Variants in DNAH5 observed in about 807,000 individuals in gnomAD.
DNAH5 encodes the protein axonemal beta dynein heavy chain 5.
In DNAH5, 372 loss-of-function variants were observed where a neutral mutation model predicts 518.2. The ratio of observed to expected loss-of-function variants is 0.72; its 90% CI spans 0.66 to 0.78. DNAH5 has a LOEUF of 0.78. Ranked by LOEUF, DNAH5 falls within the 30% of genes least tolerant of loss-of-function variation. The probability of loss-of-function intolerance (pLI) is 0.00; values close to 1 mark genes in which losing one functional copy is unlikely to be tolerated. For missense variants in DNAH5, 5,523 were observed against 5,687.0 expected (o/e 0.97, Z 0.93); for synonymous variants, 2,039 against 2,025.9 (o/e 1.01, Z -0.17).
rs1750537080 is a variant in DNAH5, at chr5:13,753,437, T to G, written c.10668A>C (p.Pro3556=). The change falls in exon 63 of 79, where the codon CCA becomes CCC. Residue 3556 remains proline (P), a synonymous_variant. Transcript: ENST00000265104. The part of the protein sequence containing the change: ...WRKEMKARKI[P]FGKNLNLSEM... ...CACTGAGATTTAGGTTCTTTCCAAA[T>G]GGAATTTTCCGGGCTTTCATTTCCT... 1.9e-6 allele frequency: 3 copies of G among 1,613,976 alleles called. No individual in the cohort carries two copies. Among genetic ancestry groups the G allele is most frequent in the South Asian group, 2.2e-5 (2 of 91,082 alleles).
rs545678182 is a variant in DNAH5, at chr5:13,924,328, G to A, written c.278-888C>T. Among the ~76,000 whole-genome samples the A allele has an allele frequency of 7.2e-5, 11 of 152,224 alleles. No homozygotes were observed. The South Asian group carries it at 2.3e-3, about 32-fold the overall frequency. ...CTGCACTCCCAGCCACGTGACCTTG[G>A]CAAGTTACTTTATCTTTCTGTGCCT... On this transcript the variant is annotated intron_variant, in intron 3 of 78. Coordinates refer to ENST00000265104, the MANE Select transcript of DNAH5 (RefSeq NM_001369.3).
rs373518709 is a variant in DNAH5, at chr5:13,786,355, T to C, written c.8648-4A>G. On this transcript the variant is annotated splice_region_variant and splice_polypyrimidine_tract_variant and intron_variant, in intron 51 of 78. Transcript: ENST00000265104. ...TCAGCCTCTTCAGATGTTTCACCTT[T>C]GGTGGGAAATAAGAATCAGTTAAGT... 38 of 1,613,780 alleles carry C rather than the reference T, an allele frequency of 2.4e-5. No homozygotes were observed. The highest frequency in any genetic ancestry group is 2.6e-5 in the Non-Finnish European group (31 of 1,179,966).
chr5:13,943,639 T>A (rs1779663502), intron 1 of DNAH5, among the ~76,000 whole-genome samples: 1 of 152,160 alleles, frequency 6.6e-6, no homozygotes, highest in Admixed American at 6.5e-5. Flanking sequence ...TGGCAGATGG[T>A]GGCATACTTA....
chr5:13,712,692 T>C (rs1743652499), intron 75 of DNAH5, among the ~76,000 whole-genome samples: 1 of 152,010 alleles, frequency 6.6e-6, no homozygotes, highest in South Asian at 2.1e-4. Flanking sequence ...AAAGAAGATA[T>C]ACAAGTAGCC....
intron 47 of DNAH5, among the ~76,000 whole-genome samples, chr5:13,805,938 A>G (rs1348042251): frequency 6.6e-6 from 1 of 152,088 alleles, no homozygotes; most frequent in African/African-American, 2.4e-5. Context: ...TAACTTCTGA[A>G]GTCTGCATTA....
At chr5:13,848,554 C>A (rs370298899) in intron 31 of DNAH5, among the ~76,000 whole-genome samples, 109 of 152,212 alleles carry the variant, frequency 7.2e-4, no homozygotes, top group African/African-American at 2.6e-3. Flanking sequence ...TACAACTCAC[C>A]ATAACGTAGA....
chr5:13,802,313 G>A (rs147026166), intron 47 of DNAH5, among the ~76,000 whole-genome samples: 16 of 152,300 alleles, frequency 1.1e-4, no homozygotes, highest in African/African-American at 3.8e-4. Context: ...AAACCAGGTA[G>A]GCTGAGGAAT....
chr5:14,003,954 C>A (rs1311721700), intron 1 of DNAH5, among the ~76,000 whole-genome samples: 2 of 152,324 alleles, frequency 1.3e-5, no homozygotes, highest in South Asian at 4.1e-4. Context: ...GACCCCCATG[C>A]CAGAACCACC....
intron 68 of DNAH5, among the ~76,000 whole-genome samples, chr5:13,731,545 G>T (rs1196161535): frequency 2.6e-5 from 4 of 152,082 alleles, no homozygotes; most frequent in Non-Finnish European, 5.9e-5. Context: ...TGAATAATGT[G>T]GTAACAAATT....
Position 13,913,169 on chromosome 5 carries a change from T to C in DNAH5, c.1536+574A>G, listed in dbSNP as rs192450804. On this transcript the variant is annotated intron_variant, in intron 11 of 78. Coordinates refer to ENST00000265104, the MANE Select transcript of DNAH5 (RefSeq NM_001369.3). ...AATTTAAAGCAAATTGTTTGTAAAT[T>C]GTTTTTCTAAAATCTTCGAAATGTT... is the stretch of plus-strand genomic sequence containing the variant. Among the ~76,000 whole-genome samples the C allele has an allele frequency of 1.1e-3, 173 of 152,208 alleles. 4 individuals are homozygous for C. The East Asian group carries it at 0.031, about 27-fold the overall frequency.
At chr5:13,900,127 A>G (rs1774398361) in intron 15 of DNAH5, 79 bp downstream of exon 15, 1 of 1,293,568 alleles carries the variant, frequency 7.7e-7, no homozygotes, top group Admixed American at 1.8e-5. Flanking sequence ...TGCTCCTTGA[A>G]TATGACACAT....
At chr5:13,774,506 G>A (rs1251658592) in intron 55 of DNAH5, among the ~76,000 whole-genome samples, 1 of 152,164 alleles carries the variant, frequency 6.6e-6, no homozygotes, top group Non-Finnish European at 1.5e-5. Context: ...TTATAAAGGA[G>A]GCTGTGGACG....
At chr5:13,743,073 GAAGGT>G (rs1213432670) in intron 65 of DNAH5, among the ~76,000 whole-genome samples, 1 of 152,014 alleles carries the variant, frequency 6.6e-6, no homozygotes, top group Non-Finnish European at 1.5e-5. Context: ...TTCATAAGAA[GAAGGT>G]AAGACTTTTT....
intron 46 of DNAH5, among the ~76,000 whole-genome samples, chr5:13,808,621 G>C (rs751560521): frequency 1.1e-4 from 17 of 152,202 alleles, no homozygotes; most frequent in African/African-American, 1.7e-4. Context: ...TGACATTTTC[G>C]TGTATTCTAA....
At chr5:13,830,546 T>C in intron 36 of DNAH5, 51 bp downstream of exon 36, 1 of 1,598,662 alleles carries the variant, frequency 6.3e-7, no homozygotes. Context: ...TTTAGCAAAA[T>C]ATTCCACCTT....
At chr5:13,752,378 T>G in intron 63 of DNAH5, 89 bp from the exon 64 acceptor site, 1 of 1,428,992 alleles carries the variant, frequency 7.0e-7, no homozygotes. Flanking sequence ...GCCTAAAGCA[T>G]TCTACTGCAA....
At chr5:13,726,855 C>A (rs1745807608) in intron 70 of DNAH5, among the ~76,000 whole-genome samples, 1 of 152,150 alleles carries the variant, frequency 6.6e-6, no homozygotes, top group Non-Finnish European at 1.5e-5. Context: ...AAGGAGTCAA[C>A]CTGGGCTGAA....
At chr5:13,923,583 T>G in intron 3 of DNAH5, 143 bp from the exon 4 acceptor site, 95 of 851,368 alleles carry the variant, frequency 1.1e-4, no homozygotes, top group Non-Finnish European at 1.4e-4. Flanking sequence ...GAACAATCTC[T>G]AGCATGAGCC....
intron 53 of DNAH5, among the ~76,000 whole-genome samples, 166 bp from the exon 54 acceptor site, chr5:13,777,521 A>G (rs1321576805): frequency 6.6e-6 from 1 of 152,230 alleles, no homozygotes; most frequent in Non-Finnish European, 1.5e-5. Context: ...TTAAAAATCC[A>G]CATTTCATAA....
Sources: gnomAD v4.1 joint callset for allele counts (sites outside exome capture counted in the v4.1 genomes callset) on GRCh38, gnomAD v4.1.1 for gene constraint, MANE v1.5 for transcripts, NCBI Gene and HGNC (gene_info 2026-07-23, HGNC 2026-07-21) for gene names.